Variants in HACE1 observed in about 807,000 individuals in gnomAD.
HACE1 encodes the protein E3 ubiquitin-protein ligase HACE1.
In HACE1, 73 loss-of-function variants were observed where a neutral mutation model predicts 118.4. That is an observed-to-expected ratio of 0.62 (90% CI 0.51 to 0.75). The LOEUF is 0.75. Ranked by LOEUF, HACE1 falls within the 30% of genes least tolerant of loss-of-function variation. The pLI, the probability that HACE1 is intolerant of heterozygous loss-of-function variation, is 0.00. For missense variants in HACE1, 749 were observed against 1,102.2 expected, an observed-to-expected ratio of 0.68 and a Z score of 4.54; for synonymous variants, 368 against 374.8, an observed-to-expected ratio of 0.98 and a Z score of 0.21.
chr6:104,761,889 G>T (rs1582336345), intron 19 of HACE1, among the ~76,000 whole-genome samples: 2 of 152,060 alleles, frequency 1.3e-5, no homozygotes, highest in Admixed American at 1.3e-4. Flanking sequence ...ATGGGCAAAG[G>T]ATATGAACAG....
At chr6:104,730,076 T>C (rs1775041656) in intron 23 of HACE1, among the ~76,000 whole-genome samples, 1 of 152,168 alleles carries the variant, frequency 6.6e-6, no homozygotes, top group African/African-American at 2.4e-5. Context: ...TTAGTGATAC[T>C]TGAACTATAG....
rs556317378 is a variant in HACE1, at chr6:104,844,531, G to C, written c.327-1233C>G. On this transcript the variant is annotated intron_variant, in intron 4 of 23. Transcript: ENST00000262903. ...GCTAATTTTTGTGTATTTTAGTAAA[G>C]ACACGGTTTCACCATGTTGGACAGG... Among the ~76,000 whole-genome samples the C allele has an allele frequency of 4.0e-5, 6 of 151,346 alleles. No individual in the cohort carries two copies. In the East Asian group the frequency reaches 1.2e-3, roughly 30 times the overall value.
Position 104,809,621 on chromosome 6 carries a change from A to G in HACE1, c.617+1690T>C, listed in dbSNP as rs1490362937. ...AACGAGGCACTGAAAAGTTTTATAT[A>G]CAAGGCTTAAACACAAAGTAACAAG... On this transcript the variant is annotated intron_variant, in intron 7 of 23. Transcript: ENST00000262903. Among the ~76,000 whole-genome samples the G allele has an allele frequency of 4.0e-5, 6 of 151,878 alleles. No homozygotes were observed. In the South Asian group the frequency reaches 8.3e-4, roughly 21 times the overall value.
intron 22 of HACE1, among the ~76,000 whole-genome samples, chr6:104,739,573 CCATTA>C (rs1422586874): frequency 1.3e-5 from 2 of 151,884 alleles, no homozygotes; most frequent in African/African-American, 2.4e-5. Context: ...ACAAAGAAGG[CCATTA>C]CATAATGATA....
intron 11 of HACE1, among the ~76,000 whole-genome samples, chr6:104,788,913 T>A (rs1782707228): frequency 6.6e-6 from 1 of 152,114 alleles, no homozygotes; most frequent in South Asian, 2.1e-4. Context: ...ACACATGGCC[T>A]ATAAACCCAC....
chr6:104,751,816 G>A (rs1371391373), intron 19 of HACE1, among the ~76,000 whole-genome samples: 2 of 151,560 alleles, frequency 1.3e-5, no homozygotes, highest in African/African-American at 4.9e-5. Flanking sequence ...ATATGCTATA[G>A]CAGGTATATA....
intron 19 of HACE1, among the ~76,000 whole-genome samples, chr6:104,768,698 C>T (rs1780283650): frequency 1.3e-5 from 2 of 152,068 alleles, no homozygotes; most frequent in East Asian, 1.9e-4. Context: ...ATTAACACTC[C>T]TAATTACTTA....
chr6:104,859,678 C>G lies in HACE1; in HGVS notation c.-36G>C, dbSNP rs1166616696. 7.2e-6 allele frequency: 11 copies of G among 1,518,390 alleles called. No homozygotes were observed. The Admixed American group carries it at 2.2e-4, about 30-fold the overall frequency. The allele number at this position is 1,518,390 out of a possible 1,614,324, so 94.1% of individuals were successfully genotyped here. A position where few individuals can be genotyped will look rare whatever the true frequency, so the allele number is the denominator to read the frequency against. On this transcript the variant is annotated 5_prime_UTR_variant, in exon 1 of 24. Coordinates refer to ENST00000262903, the MANE Select transcript of HACE1 (RefSeq NM_020771.4). Reference sequence around the variant, plus strand: ...CCCTCCGCGATCCTCCGCGATCAGCCGCCCCACCGGCGGCCTCCGCGCCCA... The same window carrying G: ...CCCTCCGCGATCCTCCGCGATCAGCGGCCCCACCGGCGGCCTCCGCGCCCA...
chr6:104,745,542 G>A (rs1351541211), intron 20 of HACE1, among the ~76,000 whole-genome samples: 2 of 147,298 alleles, frequency 1.4e-5, no homozygotes, highest in Non-Finnish European at 3.0e-5. Context: ...CCGGGTTCAC[G>A]CCATTCTCCC....
chr6:104,825,081 CAAAAA>C (rs575106170), intron 6 of HACE1, among the ~76,000 whole-genome samples: 1 of 92,784 alleles, frequency 1.1e-5, no homozygotes, highest in Admixed American at 1.1e-4. Flanking sequence ...GACTCCGTCT[CAAAAA>C]AAAAAAAAAA....
intron 6 of HACE1, among the ~76,000 whole-genome samples, chr6:104,819,387 A>T (rs1017961147): frequency 6.6e-6 from 1 of 152,202 alleles, no homozygotes; most frequent in African/African-American, 2.4e-5. Flanking sequence ...GATATCAGAG[A>T]TGACACAAAC....
chr6:104,825,283 G>A (rs73768829), intron 6 of HACE1, among the ~76,000 whole-genome samples: 4,803 of 152,136 alleles, frequency 0.032, 242 homozygotes, highest in African/African-American at 0.11. Flanking sequence ...AAGGACCAGC[G>A]ACCTTTGCAA....
At chr6:104,812,076 A>G (rs773518397) in intron 6 of HACE1, among the ~76,000 whole-genome samples, 48 of 151,876 alleles carry the variant, frequency 3.2e-4, no homozygotes, top group Non-Finnish European at 6.2e-4. Context: ...TTAAAAATAC[A>G]TATCTGTTGA....
At chr6:104,831,508 C>G (rs1057169462) in intron 6 of HACE1, among the ~76,000 whole-genome samples, 2 of 151,800 alleles carry the variant, frequency 1.3e-5, no homozygotes, top group African/African-American at 4.8e-5. Context: ...TCACTTAAAC[C>G]TGGGAGGCAG....
At chr6:104,784,023 A>G in intron 14 of HACE1, 63 bp downstream of exon 14, 1 of 825,984 alleles carries the variant, frequency 1.2e-6, no homozygotes, top group East Asian at 2.6e-5. Flanking sequence ...TCCACTAAAC[A>G]GTATTAGAAT....
intron 22 of HACE1, among the ~76,000 whole-genome samples, chr6:104,743,183 G>T (rs1256077311): frequency 8.4e-6 from 1 of 119,092 alleles, no homozygotes; most frequent in Non-Finnish European, 1.7e-5. Context: ...GAGGGGGGAG[G>T]GATAGCATTG....
At chr6:104,849,578 G>A (rs1775984346) in intron 3 of HACE1, among the ~76,000 whole-genome samples, 1 of 149,050 alleles carries the variant, frequency 6.7e-6, no homozygotes, top group South Asian at 2.1e-4. Context: ...CCTGAACTCA[G>A]GCAATCCTCC....
intron 17 of HACE1, among the ~76,000 whole-genome samples, chr6:104,774,076 T>C (rs1259011868): frequency 7.3e-6 from 1 of 137,252 alleles, no homozygotes; most frequent in Non-Finnish European, 1.5e-5. Context: ...TTATCATCTT[T>C]TCTCTTTTTT....
At chr6:104,737,644 G>T (rs1457025109) in intron 22 of HACE1, among the ~76,000 whole-genome samples, 3 of 152,190 alleles carry the variant, frequency 2.0e-5, no homozygotes, top group Admixed American at 2.0e-4. Flanking sequence ...GGCGCACCAC[G>T]AGATTATATC....
Sources: gnomAD v4.1 joint callset for allele counts (sites outside exome capture counted in the v4.1 genomes callset) on GRCh38, gnomAD v4.1.1 for gene constraint, MANE v1.5 for transcripts, NCBI Gene and HGNC (gene_info 2026-07-23, HGNC 2026-07-21) for gene names.